RCSD1: variants seen among roughly 807,000 people sequenced by gnomAD.
RCSD1 encodes capZ-interacting protein.
Under a neutral mutation model 42.5 loss-of-function variants are expected in RCSD1, and 26 were observed. The observed-to-expected ratio is 0.61, with a 90% CI of 0.45 to 0.85. The LOEUF is 0.85. Ranked by LOEUF, RCSD1 falls within the 40% of genes least tolerant of loss-of-function variation. The pLI is 0.00. For synonymous variants in RCSD1, 220 were observed against 212.2 expected (o/e 1.04, Z -0.32); for missense variants, 571 against 528.3 (o/e 1.08, Z -0.79).
At chr1:167,669,214 C>T (rs3753928) in intron 1 of RCSD1, among the ~76,000 whole-genome samples, 40,503 of 152,034 alleles carry the variant, frequency 0.27, 6,003 homozygotes, top group East Asian at 0.56. Flanking sequence ...GGATCATGGA[C>T]AAATAATTAT....
At chr1:167,682,433 G>A (rs1659104545) in intron 1 of RCSD1, among the ~76,000 whole-genome samples, 1 of 152,204 alleles carries the variant, frequency 6.6e-6, no homozygotes, top group Non-Finnish European at 1.5e-5. Context: ...CTCCCAAAGT[G>A]CTGGGATTAC....
chr1:167,687,353 T>A (rs948671247), intron 3 of RCSD1, among the ~76,000 whole-genome samples: 1 of 149,056 alleles, frequency 6.7e-6, no homozygotes, highest in Non-Finnish European at 1.5e-5. Context: ...TGAAACCCCG[T>A]CTCTACTAAA....
At chr1:167,675,992 C>CATAGCCAACATCCAGTA (rs1362392266) in intron 1 of RCSD1, among the ~76,000 whole-genome samples, 5 of 152,168 alleles carry the variant, frequency 3.3e-5, no homozygotes, top group Non-Finnish European at 1.5e-5. Flanking sequence ...CTGCTAGCCC[C>CATAGCCAACATCCAGTA]ATAGCCAACA....
intron 1 of RCSD1, among the ~76,000 whole-genome samples, chr1:167,677,514 G>C (rs918333333): frequency 2.6e-5 from 4 of 152,238 alleles, no homozygotes; most frequent in African/African-American, 9.6e-5. Context: ...ATTTAAAGAG[G>C]AAAGGATGAA....
At chr1:167,630,712 C>T (rs761302168) in intron 1 of RCSD1, 1 of 32,202 alleles carries the variant, frequency 3.1e-5, no homozygotes, top group Non-Finnish European at 6.5e-5. Context: ...TGGCTAGGAA[C>T]TTAAATGCTA....
chr1:167,670,996 C>T (rs12142176), intron 1 of RCSD1, among the ~76,000 whole-genome samples: 22,208 of 152,172 alleles, frequency 0.15, 1,791 homozygotes, highest in African/African-American at 0.21. Flanking sequence ...CTTAAGATCT[C>T]TACTTATTTT....
chr1:167,642,840 T>G (rs1658040664), intron 1 of RCSD1, among the ~76,000 whole-genome samples: 1 of 152,194 alleles, frequency 6.6e-6, no homozygotes, highest in Non-Finnish European at 1.5e-5. Flanking sequence ...CTTTTGTCCC[T>G]AAGGAAGGAG....
chr1:167,689,994 A>G, intron 3 of RCSD1, 55 bp from the exon 4 acceptor site: 2 of 1,573,232 alleles, frequency 1.3e-6, no homozygotes, highest in Non-Finnish European at 1.7e-6. Context: ...TTCCAACCAG[A>G]ACCCCACTTT....
chr1:167,657,900 CA>C (rs1420732816), intron 1 of RCSD1, among the ~76,000 whole-genome samples: 2 of 151,978 alleles, frequency 1.3e-5, no homozygotes, highest in Admixed American at 6.6e-5. Context: ...TGCACACACA[CA>C]CACACACACA....
At chr1:167,656,280 G>T (rs965853808) in intron 1 of RCSD1, among the ~76,000 whole-genome samples, 1 of 152,164 alleles carries the variant, frequency 6.6e-6, no homozygotes, top group South Asian at 2.1e-4. Context: ...CTAGAATTCA[G>T]TGAGGAGGTA....
intron 1 of RCSD1, among the ~76,000 whole-genome samples, chr1:167,665,902 C>T (rs1265848870): frequency 6.6e-6 from 1 of 152,064 alleles, no homozygotes; most frequent in African/African-American, 2.4e-5. Context: ...ACCTCTGCCT[C>T]CCAGGTTCCA....
At chr1:167,654,573 C>A (rs1033806650) in intron 1 of RCSD1, among the ~76,000 whole-genome samples, 4 of 152,124 alleles carry the variant, frequency 2.6e-5, no homozygotes, top group African/African-American at 9.7e-5. Context: ...TCCATAGTTA[C>A]CTTTCTGGAA....
chr1:167,684,629 C>T (rs1171232230), intron 2 of RCSD1, among the ~76,000 whole-genome samples: 1 of 152,136 alleles, frequency 6.6e-6, no homozygotes, highest in Non-Finnish European at 1.5e-5. Context: ...AATTTCAGCA[C>T]TTTGGGAGGC....
chr1:167,661,851 T>C lies in RCSD1; in HGVS notation c.7-22049T>C, dbSNP rs548565697. On this transcript the variant is annotated intron_variant, in intron 1 of 6. Transcript: ENST00000367854. ...AGAGAAGATTGGCTTATTTGTATCT[T>C]AGATCTTGCATTCATTGCTTCTTGG... is the stretch of plus-strand genomic sequence containing the variant. 6.6e-4 allele frequency among the ~76,000 whole-genome samples: 100 copies of C among 152,350 alleles called. 1 individual carries two copies. The highest frequency in any genetic ancestry group is 2.5e-3 in the South Asian group (12 of 4,828).
intron 1 of RCSD1, among the ~76,000 whole-genome samples, chr1:167,652,851 C>T (rs573926249): frequency 6.6e-6 from 1 of 152,314 alleles, no homozygotes; most frequent in South Asian, 2.1e-4. Flanking sequence ...TTCAACTAGT[C>T]TTCAAAATTC....
chr1:167,685,037 T>C (rs1659192378), intron 2 of RCSD1, among the ~76,000 whole-genome samples: 1 of 152,176 alleles, frequency 6.6e-6, no homozygotes, highest in Non-Finnish European at 1.5e-5. Context: ...GTTCATAATT[T>C]CTAGACAGTA....
chr1:167,644,536 C>T (rs1658086925), intron 1 of RCSD1, among the ~76,000 whole-genome samples: 2 of 138,608 alleles, frequency 1.4e-5, no homozygotes, highest in East Asian at 2.1e-4. Flanking sequence ...TACATACATA[C>T]ATTTCAAAGA....
At chr1:167,641,329 A>T (rs573903627) in intron 1 of RCSD1, 2 of 152,356 alleles carry the variant, frequency 1.3e-5, no homozygotes, top group African/African-American at 4.8e-5. Context: ...GCCTAGCAAG[A>T]TTATAAAATC....
At chr1:167,635,593 C>T (rs1449416733) in intron 1 of RCSD1, among the ~76,000 whole-genome samples, 1 of 152,088 alleles carries the variant, frequency 6.6e-6, no homozygotes, top group Non-Finnish European at 1.5e-5. Context: ...CTCAGCAGCC[C>T]GGTAATCTTA....
Sources: gnomAD v4.1 joint callset for allele counts (sites outside exome capture counted in the v4.1 genomes callset) on GRCh38, gnomAD v4.1.1 for gene constraint, MANE v1.5 for transcripts, NCBI Gene and HGNC (gene_info 2026-07-23, HGNC 2026-07-21) for gene names.